The following ARL6 variants were observed in gnomAD, a reference collection of about 807,000 sequenced individuals.
ARL6 encodes the protein ARF like GTPase 6, also known as ADP-ribosylation factor-like protein 6.
In ARL6, 18 loss-of-function variants were observed where a neutral mutation model predicts 27.1. The observed-to-expected ratio is 0.66, with a 90% confidence interval of 0.46 to 0.98. The LOEUF (loss-of-function observed/expected upper bound fraction) is 0.98. Ranked by LOEUF, ARL6 falls within the 50% of genes least tolerant of loss-of-function variation. The probability of loss-of-function intolerance (pLI) is 0.00; values close to 1 mark genes in which losing one functional copy is unlikely to be tolerated. For synonymous variants in ARL6, 65 were observed against 72.3 expected, an observed-to-expected ratio of 0.90 and a Z score of 0.51; for missense variants, 187 against 214.9, an observed-to-expected ratio of 0.87 and a Z score of 0.81.
intron 2 of ARL6, among the ~76,000 whole-genome samples, chr3:97,779,759 G>C (rs901862706): frequency 6.6e-6 from 1 of 151,884 alleles, no homozygotes; most frequent in African/African-American, 2.4e-5. Context: ...CCAGCTACTC[G>C]GGAGGCTGAG....
upstream of ARL6, chr3:97,764,754 T>A (rs1031745588): frequency 2.6e-5 from 4 of 152,340 alleles, 1 homozygote; most frequent in Admixed American, 1.3e-4. Context: ...GAACGGTGCC[T>A]GCCAAGGCGC....
At chr3:97,782,947 A>C (rs1046682249) in intron 4 of ARL6, among the ~76,000 whole-genome samples, 1 of 150,970 alleles carries the variant, frequency 6.6e-6, no homozygotes, top group Admixed American at 6.6e-5. Context: ...TTGGAATAGT[A>C]GGATTATAAG....
intron 2 of ARL6, among the ~76,000 whole-genome samples, chr3:97,775,394 G>A (rs1387248887): frequency 2.6e-5 from 4 of 152,112 alleles, no homozygotes; most frequent in Non-Finnish European, 5.9e-5. Flanking sequence ...ATGTTCAAGG[G>A]CAGGAAGCAT....
chr3:97,789,252 G>A (rs1163489575), intron 6 of ARL6, among the ~76,000 whole-genome samples: 1 of 152,134 alleles, frequency 6.6e-6, no homozygotes, highest in Non-Finnish European at 1.5e-5. Flanking sequence ...TCTTGAGTTG[G>A]AATTTGGGTC....
intron 2 of ARL6, among the ~76,000 whole-genome samples, chr3:97,775,349 G>C (rs771418689): frequency 6.6e-6 from 1 of 152,144 alleles, no homozygotes; most frequent in African/African-American, 2.4e-5. Context: ...CAAGGAAACC[G>C]GTCCGAGTCC....
At chr3:97,768,257 G>A in intron 2 of ARL6, 27 bp downstream of exon 2, 1 of 1,607,804 alleles carries the variant, frequency 6.2e-7, no homozygotes, top group Non-Finnish European at 8.5e-7. Context: ...GATGCTTTAT[G>A]TATTTTCTGC....
intron 7 of ARL6, among the ~76,000 whole-genome samples, chr3:97,795,303 T>C (rs1358768608): frequency 6.6e-6 from 1 of 152,138 alleles, no homozygotes; most frequent in Admixed American, 6.6e-5. Context: ...AACTTTCAAA[T>C]TAGGTACTTT....
intron 2 of ARL6, among the ~76,000 whole-genome samples, chr3:97,769,424 A>G (rs1192059671): frequency 2.6e-5 from 4 of 151,990 alleles, no homozygotes; most frequent in African/African-American, 7.2e-5. Context: ...ATCATTTTTT[A>G]TTGATACAAA....
chr3:97,780,125 T>A, intron 2 of ARL6, 34 bp from the exon 3 acceptor site: 1 of 1,565,438 alleles, frequency 6.4e-7, no homozygotes, highest in Non-Finnish European at 8.8e-7. Context: ...CTCTGGTAAT[T>A]GTAAATTTCT....
chr3:97,766,198 T>C (rs1345761562), intron 1 of ARL6: 1 of 152,308 alleles, frequency 6.6e-6, no homozygotes, highest in South Asian at 2.1e-4. Context: ...AAAACATAAG[T>C]TCTAAATTAT....
chr3:97,794,998 A>G (rs1031004014), intron 7 of ARL6, among the ~76,000 whole-genome samples: 2 of 151,914 alleles, frequency 1.3e-5, no homozygotes, highest in African/African-American at 4.8e-5. Context: ...TTAGACAGGA[A>G]CTCTGGGGGT....
intron 7 of ARL6, among the ~76,000 whole-genome samples, chr3:97,797,426 GTCA>G (rs1286840475): frequency 6.6e-6 from 1 of 152,282 alleles, no homozygotes; most frequent in East Asian, 1.9e-4. Context: ...CATTTACAGA[GTCA>G]TCATATTGAC....
chr3:97,777,127 G>GT (rs1221723535), intron 2 of ARL6, among the ~76,000 whole-genome samples: 23 of 152,338 alleles, frequency 1.5e-4, no homozygotes, highest in Non-Finnish European at 2.2e-4. Context: ...CTTTGGATGA[G>GT]TAGATTGATG....
chr3:97,779,164 C>T (rs2037056534), intron 2 of ARL6, among the ~76,000 whole-genome samples: 1 of 152,184 alleles, frequency 6.6e-6, no homozygotes, highest in Admixed American at 6.5e-5. Context: ...TGCCTTCAAG[C>T]CCTTACCTCA....
At chr3:97,765,705 C>T (rs1453851418) in intron 1 of ARL6, among the ~76,000 whole-genome samples, 1 of 152,060 alleles carries the variant, frequency 6.6e-6, no homozygotes, top group Non-Finnish European at 1.5e-5. Context: ...CTACAGATGC[C>T]CTGATCTTAT....
chr3:97,775,703 T>A (rs1420128431), intron 2 of ARL6, among the ~76,000 whole-genome samples: 2 of 152,250 alleles, frequency 1.3e-5, no homozygotes, highest in Non-Finnish European at 2.9e-5. Flanking sequence ...ACCCATTGAA[T>A]ATTAGGAAGC....
At chr3:97,780,748 A>G in intron 4 of ARL6, 65 bp downstream of exon 4, 1 of 1,294,338 alleles carries the variant, frequency 7.7e-7, no homozygotes, top group Non-Finnish European at 1.1e-6. Flanking sequence ...TTAGAAATCC[A>G]AAGAATTATA....
In ARL6 at chr3:97,798,216, G is replaced by A; in HGVS notation, c.*167G>A. 1 of 660,374 alleles carries A rather than the reference G, an allele frequency of 1.5e-6. No individual in the cohort carries two copies. Among genetic ancestry groups the A allele is most frequent in the South Asian group, 2.2e-5 (1 of 46,272 alleles). 40.9% of individuals were successfully genotyped at this position (660,374 alleles called of 1,614,324 possible). On this transcript the variant is annotated 3_prime_UTR_variant, in exon 8 of 8. Coordinates refer to ENST00000463745, the MANE Select transcript of ARL6 (RefSeq NM_001278293.3). ...CATAGGACTTCAGGTATGCTAATTT[G>A]GCCATTAATTATTTAAAAACTAAAT...
At chr3:97,774,677 G>C (rs181975866) in intron 2 of ARL6, among the ~76,000 whole-genome samples, 66 of 152,262 alleles carry the variant, frequency 4.3e-4, no homozygotes, top group African/African-American at 1.5e-3. Context: ...TTCAACAGTA[G>C]GTACCTGGCG....
Sources: allele counts gnomAD v4.1 joint callset (sites outside exome capture counted in the v4.1 genomes callset), GRCh38; gene constraint gnomAD v4.1.1; transcripts MANE v1.5; gene names NCBI Gene and HGNC (gene_info 2026-07-23, HGNC 2026-07-21).